Variants in SNX25 observed in about 807,000 individuals in gnomAD.
SNX25 encodes sorting nexin-25.
A neutral mutation model predicts 113.7 loss-of-function variants in SNX25; 62 were observed. The ratio of observed to expected loss-of-function variants is 0.55; its 90% CI spans 0.44 to 0.67. The LOEUF (loss-of-function observed/expected upper bound fraction) is 0.67. Ranked by LOEUF, SNX25 falls within the 30% of genes least tolerant of loss-of-function variation. The probability of loss-of-function intolerance (pLI) is 0.00; values close to 1 mark genes in which losing one functional copy is unlikely to be tolerated. For synonymous variants in SNX25, 421 were observed against 436.2 expected, an observed-to-expected ratio of 0.97 and a Z score of 0.43; for missense variants, 1,014 against 1,161.0, an observed-to-expected ratio of 0.87 and a Z score of 1.84.
At chr4:185,360,822 G>T (rs2095357800) in intron 16 of SNX25, among the ~76,000 whole-genome samples, 1 of 152,012 alleles carries the variant, frequency 6.6e-6, no homozygotes, top group African/African-American at 2.4e-5. Flanking sequence ...GGGAGGCTGA[G>T]GCAGGAGAAT....
chr4:185,348,032 G>A (rs2095296809), intron 13 of SNX25, among the ~76,000 whole-genome samples: 1 of 152,008 alleles, frequency 6.6e-6, no homozygotes. Context: ...CTACTCCAAG[G>A]CCCTGAAGAT....
intron 6 of SNX25, among the ~76,000 whole-genome samples, chr4:185,302,195 C>A (rs1251242531): frequency 6.6e-6 from 1 of 151,978 alleles, no homozygotes; most frequent in Non-Finnish European, 1.5e-5. Flanking sequence ...CTTGGCCTCC[C>A]AAAGTGCTGG....
chr4:185,335,189 G>A (rs886261863), intron 10 of SNX25, among the ~76,000 whole-genome samples: 4 of 151,694 alleles, frequency 2.6e-5, no homozygotes, highest in Non-Finnish European at 4.4e-5. Context: ...TCGTGGTGGC[G>A]GGTGCCTATA....
At chr4:185,299,101 C>G (rs963588698) in intron 6 of SNX25, among the ~76,000 whole-genome samples, 10 of 152,204 alleles carry the variant, frequency 6.6e-5, no homozygotes, top group Non-Finnish European at 1.2e-4. Flanking sequence ...GTCAGCCCTA[C>G]CTGGAGCAGA....
In SNX25 at chr4:185,264,582, A is replaced by G. The variant is rs1747788783; in HGVS notation, c.876A>G (p.Ile292Met). The G allele has an allele frequency of 6.2e-7, 1 of 1,614,012 alleles. No individual in the cohort carries two copies. Among genetic ancestry groups the G allele is most frequent in the Admixed American group, 1.7e-5 (1 of 60,010 alleles). Residue 292 changes from isoleucine to methionine, a missense_variant, in exon 4 of 19, where the codon ATA becomes ATG. Transcript: ENST00000652585. Reference protein sequence around the residue: ...SKDVQSLSLRIMLAEILTTKV... With the variant: ...SKDVQSLSLRMMLAEILTTKV... ...ATGTGCAGTCTCTCAGCTTACGTAT[A>G]ATGCTTGCAGAAATTCTCACAACAA...
At chr4:185,265,585 TCATAAA>T (rs1747953175) in intron 4 of SNX25, among the ~76,000 whole-genome samples, 1 of 152,222 alleles carries the variant, frequency 6.6e-6, no homozygotes, top group Non-Finnish European at 1.5e-5. Context: ...ACTGCAGACT[TCATAAA>T]CAGTGTACGC....
Position 185,351,488 on chromosome 4 carries a change from A to G in SNX25, c.2345A>G (p.Tyr782Cys). Residue 782 changes from tyrosine to cysteine, a missense_variant, in exon 14 of 19, where the codon TAT (tyrosine) becomes TGT (cysteine). By Grantham distance (194) the Tyr-to-Cys change is radical (BLOSUM62 -2). Coordinates refer to ENST00000652585, the MANE Select transcript of SNX25 (RefSeq NM_001378034.2). ...AGACTGTGTCAGAGTGAAGCACTTT[A>G]TGCCTTCTTGAGCCCTTCTCCTGAC... ...DERLCQSEAL[Y>C]AFLSPSPDYL... is the part of the protein sequence containing the mutation. The G allele has an allele frequency of 1.2e-6, 2 of 1,614,192 alleles. No homozygotes were observed. Among genetic ancestry groups the G allele is most frequent in the Non-Finnish European group, 1.7e-6 (2 of 1,180,030 alleles).
At chr4:185,352,417 C>T (rs184104349) in intron 14 of SNX25, among the ~76,000 whole-genome samples, 186 of 152,298 alleles carry the variant, frequency 1.2e-3, no homozygotes, top group Non-Finnish European at 2.2e-3. Flanking sequence ...GGGCGGAAGT[C>T]AGCACGTCCC....
At chr4:185,317,948 A>G (rs961393704) in intron 7 of SNX25, among the ~76,000 whole-genome samples, 1 of 152,198 alleles carries the variant, frequency 6.6e-6, no homozygotes, top group Non-Finnish European at 1.5e-5. Flanking sequence ...AGTAAAATTT[A>G]AAAAAAGAAA....
intron 1 of SNX25, among the ~76,000 whole-genome samples, chr4:185,236,281 A>G (rs987424414): frequency 2.6e-5 from 4 of 152,096 alleles, no homozygotes; most frequent in Admixed American, 2.6e-4. Context: ...AATCTCCTAT[A>G]GTACCCAGGA....
intron 1 of SNX25, among the ~76,000 whole-genome samples, chr4:185,225,188 G>A (rs919466796): frequency 6.8e-6 from 1 of 146,906 alleles, no homozygotes; most frequent in Admixed American, 7.0e-5. Flanking sequence ...GCGCCATCTC[G>A]GCTCACTGCA....
At chr4:185,226,212 G>A (rs993415439) in intron 1 of SNX25, among the ~76,000 whole-genome samples, 20 of 152,158 alleles carry the variant, frequency 1.3e-4, no homozygotes, top group African/African-American at 4.3e-4. Context: ...TAGTAGAATG[G>A]CGGTGGTGCC....
chr4:185,307,613 T>C (rs142930211), intron 6 of SNX25, among the ~76,000 whole-genome samples: 549 of 152,308 alleles, frequency 3.6e-3, no homozygotes, highest in African/African-American at 0.013. Flanking sequence ...GGAACTACTC[T>C]GGCATCCAGC....
intron 1 of SNX25, among the ~76,000 whole-genome samples, chr4:185,234,574 C>A (rs1210517169): frequency 1.5e-5 from 1 of 67,364 alleles, no homozygotes; most frequent in Non-Finnish European, 3.2e-5. Flanking sequence ...CCCAGCTACT[C>A]GGGAGGCTGA....
chr4:185,210,395 C>A lies in SNX25; in HGVS notation c.429+140C>A, dbSNP rs1737556484. Reference sequence around the variant, plus strand: ...GGGAGCCAGGGGGCTGGGCTGCGGGCCCGGCCGTGGACGCGAGCGTTCCCC... The same window carrying A: ...GGGAGCCAGGGGGCTGGGCTGCGGGACCGGCCGTGGACGCGAGCGTTCCCC... On this transcript the variant is annotated intron_variant, in intron 1 of 18. Transcript: ENST00000652585. The surrounding 1 kb of genome is among the most constrained non-coding windows in gnomAD (Gnocchi z 4.4). 2.4e-6 allele frequency: 2 copies of A among 850,598 alleles called. No individual in the cohort carries two copies. Among genetic ancestry groups the A allele is most frequent in the Non-Finnish European group, 2.8e-6 (2 of 707,520 alleles). 52.7% of individuals were successfully genotyped at this position (850,598 alleles called of 1,614,324 possible). A position where few individuals can be genotyped will look rare whatever the true frequency, so the allele number is the denominator to read the frequency against.
downstream of SNX25, chr4:185,370,962 C>CA (rs757807790): frequency 4.7e-4 from 346 of 736,114 alleles, no homozygotes; most frequent in Non-Finnish European, 6.7e-4. Context: ...GGGAAGGGTC[C>CA]ATGTAGGCAC....
chr4:185,373,191 C>T, downstream of SNX25: 1 of 1,000,746 alleles, frequency 1.0e-6, no homozygotes, highest in Non-Finnish European at 1.5e-6. Flanking sequence ...TTAATCATCT[C>T]TAGGAAAGAG....
At chr4:185,306,294 A>T (rs1411530828) in intron 6 of SNX25, among the ~76,000 whole-genome samples, 1 of 152,270 alleles carries the variant, frequency 6.6e-6, no homozygotes, top group Non-Finnish European at 1.5e-5. Context: ...GCAAAAATAA[A>T]CAGAACCATC....
At chr4:185,370,824 T>A, downstream of SNX25, 1 of 1,613,786 alleles carries the variant, frequency 6.2e-7, no homozygotes, top group South Asian at 1.1e-5. Context: ...CCTGAGAGGA[T>A]GTAGAGTTGT....
Sources: gnomAD v4.1 joint callset for allele counts (sites outside exome capture counted in the v4.1 genomes callset) on GRCh38, gnomAD v4.1.1 for gene constraint, Gnocchi (gnomAD v3.1) non-coding constraint, MANE v1.5 for transcripts, NCBI Gene and HGNC (gene_info 2026-07-23, HGNC 2026-07-21) for gene names.